The following SH3D19 variants were observed in gnomAD, a reference collection of about 807,000 sequenced individuals.
The protein encoded by SH3D19 is SH3 domain containing 19.
SH3D19 carries 58 observed loss-of-function variants against 112.1 expected under a neutral mutation model. That is an observed-to-expected ratio of 0.52 (90% confidence interval 0.42 to 0.64). The LOEUF (loss-of-function observed/expected upper bound fraction) is 0.64. SH3D19 is among the 30% of genes least tolerant of loss of function. The probability of loss-of-function intolerance (pLI) is 0.00; values close to 1 mark genes in which losing one functional copy is unlikely to be tolerated. For missense variants in SH3D19, 1,090 were observed against 1,263.4 expected (o/e 0.86, Z 2.08); for synonymous variants, 391 against 448.5 (o/e 0.87, Z 1.62).
At chr4:151,197,005 G>A (rs1014424238) in intron 2 of SH3D19, among the ~76,000 whole-genome samples, 15 of 152,144 alleles carry the variant, frequency 9.9e-5, no homozygotes, top group African/African-American at 3.6e-4. Flanking sequence ...ATAGATGTTG[G>A]TATGGATGCA....
chr4:151,162,084 A>G (rs1198341134), intron 8 of SH3D19, among the ~76,000 whole-genome samples: 1 of 152,040 alleles, frequency 6.6e-6, no homozygotes, highest in Non-Finnish European at 1.5e-5. Context: ...TTCACCTATC[A>G]ACCCGTCATC....
chr4:151,167,525 A>T (rs1758251261), intron 7 of SH3D19, among the ~76,000 whole-genome samples: 2 of 152,224 alleles, frequency 1.3e-5, no homozygotes, highest in South Asian at 4.1e-4. Flanking sequence ...GGATCATTTT[A>T]TATCAATTTC....
At chr4:151,160,316 T>C (rs1352656219) in intron 8 of SH3D19, among the ~76,000 whole-genome samples, 1 of 152,134 alleles carries the variant, frequency 6.6e-6, no homozygotes, top group Non-Finnish European at 1.5e-5. Context: ...CTCGATCTCC[T>C]GACCTCGTGA....
At chr4:151,268,444 T>G (rs1191324809) in intron 1 of SH3D19, among the ~76,000 whole-genome samples, 4 of 152,038 alleles carry the variant, frequency 2.6e-5, no homozygotes, top group Non-Finnish European at 5.9e-5. Flanking sequence ...AAGTGTATTT[T>G]TTTATTATTA....
At chr4:151,138,684 TCTCACACACACACACACACACACA>T (rs1359459892) in intron 13 of SH3D19, among the ~76,000 whole-genome samples, 32 of 135,894 alleles carry the variant, frequency 2.4e-4, no homozygotes, top group Non-Finnish European at 4.5e-4. Context: ...CAAGATCTTG[TCTCACACACACACACACACACACA>T]CACACACACA....
intron 1 of SH3D19, among the ~76,000 whole-genome samples, chr4:151,241,448 T>C (rs1001532996): frequency 6.6e-6 from 1 of 151,888 alleles, no homozygotes; most frequent in Non-Finnish European, 1.5e-5. Flanking sequence ...GTTGAAGGAG[T>C]GAAGGCTAAA....
At chr4:151,293,241 C>T (rs1172829939) in intron 1 of SH3D19, among the ~76,000 whole-genome samples, 9 of 151,906 alleles carry the variant, frequency 5.9e-5, no homozygotes, top group South Asian at 2.1e-4. Flanking sequence ...GAGGCCGAGG[C>T]GGGCAGATCA....
intron 2 of SH3D19, among the ~76,000 whole-genome samples, chr4:151,215,075 C>A (rs1448112645): frequency 6.6e-6 from 1 of 150,946 alleles, no homozygotes; most frequent in Non-Finnish European, 1.5e-5. Flanking sequence ...AGACGATGGG[C>A]GGCCGGGCAG....
intron 1 of SH3D19, among the ~76,000 whole-genome samples, chr4:151,320,778 G>A (rs1278691246): frequency 5.3e-5 from 8 of 152,142 alleles, no homozygotes; most frequent in Non-Finnish European, 8.8e-5. Flanking sequence ...AGTGGCTCAC[G>A]CCTGTAATTC....
At chr4:151,277,629 A>G (rs10013073) in intron 1 of SH3D19, among the ~76,000 whole-genome samples, 52,328 of 151,642 alleles carry the variant, frequency 0.35, 10,118 homozygotes, top group Non-Finnish European at 0.46. Context: ...AACTAAATTA[A>G]GTAAGAGGAT....
intron 1 of SH3D19, among the ~76,000 whole-genome samples, chr4:151,252,789 G>A (rs185742868): frequency 1.5e-4 from 23 of 152,270 alleles, no homozygotes; most frequent in African/African-American, 4.8e-4. Flanking sequence ...CTCCTACACT[G>A]TGCCCCATTT....
In SH3D19 at chr4:151,165,649, C is replaced by A. The variant is rs573219105; in HGVS notation, c.1582G>T (p.Val528Phe). The A allele has an allele frequency of 1.4e-5, 22 of 1,614,120 alleles. No homozygotes were observed. In the East Asian group the frequency reaches 4.9e-4, roughly 36 times the overall value. ...GGCTTCCTGGTGGGTGCTGGTTGAACTGCTCGTTCTTTTATTGGTTCTGTT... is the reference window on the plus strand; with the variant it reads ...GGCTTCCTGGTGGGTGCTGGTTGAAATGCTCGTTCTTTTATTGGTTCTGTT... ...AKTEPIKERA[V>F]QPAPTRKPTV... The change falls in exon 8 of 20, where the codon GTT (valine) becomes TTT (phenylalanine). Residue 528 changes from valine (V) to phenylalanine (F), a missense_variant. Coordinates refer to ENST00000604030, the MANE Select transcript of SH3D19 (RefSeq NM_001378122.1).
In SH3D19 at chr4:151,239,364, C is replaced by A. The variant is rs142825042; in HGVS notation, c.113-13278G>T. 1.7e-3 allele frequency among the ~76,000 whole-genome samples: 257 copies of A among 152,286 alleles called. 5 individuals are homozygous for A. In the East Asian group the frequency reaches 0.047, roughly 28 times the overall value. ...ATACTGGTATGAGTCCTCTCCACAC[C>A]TCTGCAAGCTGGAGATCAGCTGAGC... On this transcript the variant is annotated intron_variant, in intron 1 of 19. Coordinates refer to ENST00000604030, the MANE Select transcript of SH3D19 (RefSeq NM_001378122.1).
intron 19 of SH3D19, among the ~76,000 whole-genome samples, chr4:151,125,137 G>A (rs1163780735): frequency 2.0e-5 from 3 of 152,046 alleles, no homozygotes; most frequent in African/African-American, 2.4e-5. Context: ...AGAAGGTTAC[G>A]AGTTTTTAAT....
At chr4:151,207,451 G>A (rs965756469) in intron 2 of SH3D19, among the ~76,000 whole-genome samples, 6 of 152,206 alleles carry the variant, frequency 3.9e-5, no homozygotes, top group African/African-American at 1.2e-4. Context: ...AATGAGAGGA[G>A]ATTAGGTTAT....
Position 151,147,959 on chromosome 4 carries a change from C to T in SH3D19, c.2045G>A (p.Arg682His), listed in dbSNP as rs757203859. Residue 682 changes from arginine (R) to histidine (H), a missense_variant, in exon 11 of 20, where the codon CGT (arginine) becomes CAT (histidine). Transcript: ENST00000604030. ...FKNQDPVLPP[R>H]PKPGHPLYSK... ...GTAGAGAGGGTGTCCTGGTTTGGGA[C>T]GAGGGGGTAGCACCGGATCTTGATT... 1.4e-5 allele frequency: 22 copies of T among 1,613,558 alleles called. No homozygotes were observed. In the South Asian group the frequency reaches 1.5e-4, roughly 11 times the overall value.
intron 7 of SH3D19, among the ~76,000 whole-genome samples, chr4:151,171,853 A>G (rs1334232439): frequency 1.3e-5 from 2 of 152,188 alleles, no homozygotes; most frequent in African/African-American, 4.8e-5. Flanking sequence ...AGGTGTGAAG[A>G]AGAATTGCTA....
chr4:151,315,891 TA>T (rs1350892415), intron 1 of SH3D19, among the ~76,000 whole-genome samples: 1 of 152,202 alleles, frequency 6.6e-6, no homozygotes, highest in Non-Finnish European at 1.5e-5. Flanking sequence ...AAGTGTAGCA[TA>T]ACTCTTACTT....
intron 1 of SH3D19, among the ~76,000 whole-genome samples, chr4:151,318,300 CAAAAAAAAAA>C (rs752720803): frequency 3.7e-5 from 2 of 54,482 alleles, no homozygotes; most frequent in African/African-American, 6.5e-5. Context: ...GACTCTGACT[CAAAAAAAAAA>C]AAAAAAAAAA....
Sources: allele counts gnomAD v4.1 joint callset (sites outside exome capture counted in the v4.1 genomes callset), GRCh38; gene constraint gnomAD v4.1.1; transcripts MANE v1.5; gene names NCBI Gene and HGNC (gene_info 2026-07-23, HGNC 2026-07-21).